Variants in DMBT1 observed in about 807,000 individuals in gnomAD.
The protein encoded by DMBT1 is deleted in malignant brain tumors 1.
DMBT1 carries 198 observed loss-of-function variants against 252.9 expected under a neutral mutation model. The ratio of observed to expected loss-of-function variants is 0.78; its 90% CI spans 0.70 to 0.88. DMBT1 has a LOEUF of 0.88. Ranked by LOEUF, DMBT1 falls within the 40% of genes least tolerant of loss-of-function variation. DMBT1 has a pLI of 0.00. For synonymous variants in DMBT1, 990 were observed against 942.7 expected (o/e 1.05, Z -0.92); for missense variants, 2,432 against 2,404.7 (o/e 1.01, Z -0.24).
Position 122,585,324 on chromosome 10 carries a change from C to T in DMBT1, c.1459+15C>T, listed in dbSNP as rs771491901. 1.0e-5 allele frequency: 16 copies of T among 1,584,628 alleles called. 1 individual carries two copies. The highest frequency in any genetic ancestry group is 1.7e-5 in the Admixed American group (1 of 59,514). ...ATCGACAGTAGGTAAATAATCCTCT[C>T]GCCCCTCCCTAGGGCTCACTCTCTA... On this transcript the variant is annotated intron_variant, in intron 15 of 55. Transcript: ENST00000338354.
At chr10:122,562,805 T>C (rs2981755) in intron 1 of DMBT1, among the ~76,000 whole-genome samples, 150,390 of 152,328 alleles carry the variant, frequency 0.99, 74,268 homozygotes, top group Non-Finnish European at 1. Context: ...GAAGTGGACC[T>C]GTATTCTCTT....
intron 6 of DMBT1, among the ~76,000 whole-genome samples, chr10:122,575,876 A>T (rs1288144426): frequency 6.6e-6 from 1 of 152,220 alleles, no homozygotes; most frequent in Non-Finnish European, 1.5e-5. Flanking sequence ...ATCAGTCTCC[A>T]GTCCAGAGTG....
At chr10:122,587,297 G>C (rs2097798626) in intron 16 of DMBT1, among the ~76,000 whole-genome samples, 1 of 148,424 alleles carries the variant, frequency 6.7e-6, no homozygotes, top group African/African-American at 2.4e-5. Flanking sequence ...TTCTGCTGAG[G>C]ACTAATAAGG....
chr10:122,630,393 A>G lies in DMBT1; in HGVS notation c.5928A>G (p.Ile1976Met). The change falls in exon 48 of 56, where the codon ATA becomes ATG. Residue 1976 changes from isoleucine (I) to methionine (M), a missense_variant. Around this residue, in one of 3 missense-constraint regions of DMBT1, gnomAD observed 1,162 missense variants for 1,169.0 expected, o/e 0.99. Coordinates refer to ENST00000338354, the MANE Select transcript of DMBT1 (RefSeq NM_001377530.1). ...AAATCTGTAATGATACCAGGCAAAT[A>G]TTTACATCTTCTTACAACCGAATGA... ...LGKICNDTRQIFTSSYNRMTI... is the reference protein window; with the variant it reads ...LGKICNDTRQMFTSSYNRMTI... 1 of 1,613,966 alleles carries G rather than the reference A, an allele frequency of 6.2e-7. No homozygotes were observed. Among genetic ancestry groups the G allele is most frequent in the Non-Finnish European group, 8.5e-7 (1 of 1,179,890 alleles).
At chr10:122,576,114 C>G (rs1271663169) in intron 6 of DMBT1, among the ~76,000 whole-genome samples, 1 of 152,196 alleles carries the variant, frequency 6.6e-6, no homozygotes, top group African/African-American at 2.4e-5. Context: ...AGCCCATGGT[C>G]TGCTTAGAGA....
At chr10:122,590,031 A>G (rs2097835339) in intron 17 of DMBT1, among the ~76,000 whole-genome samples, 1 of 148,320 alleles carries the variant, frequency 6.7e-6, no homozygotes, top group African/African-American at 2.4e-5. Flanking sequence ...TGGAGCACAT[A>G]TAGGTGTTGG....
intron 2 of DMBT1, 139 bp from the exon 3 acceptor site, chr10:122,570,023 G>T (rs2097646677): frequency 1.2e-6 from 1 of 809,128 alleles, no homozygotes; most frequent in African/African-American, 1.7e-5. Flanking sequence ...GGAGCGATTG[G>T]CACATAGTTG....
intron 1 of DMBT1, among the ~76,000 whole-genome samples, chr10:122,561,582 C>CTCTCTCTCTCTCTCTCTCTCTCTCTA (rs144834746): frequency 6.8e-6 from 1 of 147,472 alleles, no homozygotes; most frequent in Non-Finnish European, 1.5e-5. Flanking sequence ...CTCTCTCTCT[C>CTCTCTCTCTCTCTCTCTCTCTCTCTA]TCTTTCTCTC....
rs757768829 is a variant in DMBT1, at chr10:122,578,747, G to A, written c.667G>A (p.Val223Ile). 7.5e-6 allele frequency: 12 copies of A among 1,608,636 alleles called. No individual in the cohort carries two copies. The highest frequency in any genetic ancestry group is 9.3e-6 in the Non-Finnish European group (11 of 1,177,302). ...TTGGCCTGTCAGGATATCACCACCTGTACCCACAGAAGGTAAAGAATCCTC... is the reference window on the plus strand; with the variant it reads ...TTGGCCTGTCAGGATATCACCACCTATACCCACAGAAGGTAAAGAATCCTC... ...ESWPVRISPPVPTEGSESSLA... is the reference protein window; with the variant it reads ...ESWPVRISPPIPTEGSESSLA... Residue 223 changes from valine (V) to isoleucine (I), a missense_variant, in exon 9 of 56, where the codon GTA becomes ATA. By Grantham distance (29) the Val-to-Ile change is conservative. Coordinates refer to ENST00000338354, the MANE Select transcript of DMBT1 (RefSeq NM_001377530.1).
At chr10:122,634,339 C>CT (rs1383282194) in intron 52 of DMBT1, among the ~76,000 whole-genome samples, 1 of 105,156 alleles carries the variant, frequency 9.5e-6, no homozygotes, top group African/African-American at 3.7e-5. Flanking sequence ...ACTAAAAGCA[C>CT]TTTTCTTTCT....
intron 2 of DMBT1, among the ~76,000 whole-genome samples, chr10:122,568,479 G>T (rs1421184740): frequency 6.6e-6 from 1 of 152,164 alleles, no homozygotes; most frequent in Non-Finnish European, 1.5e-5. Flanking sequence ...CCTGCTGGGA[G>T]AAAGATTGTA....
At position 122,580,866 on chromosome 10, in the gene DMBT1, C is replaced by G; in HGVS notation, c.1004C>G (p.Ala335Gly). Residue 335 changes from alanine to glycine, a missense_variant and splice_region_variant, in exon 11 of 56, where the codon GCT (alanine) becomes GGT (glycine). By Grantham distance (60) the Ala-to-Gly change is moderately conservative. Transcript: ENST00000338354. ...HSEDAGVICS[A>G]PQSRPTPSPD... ...TGACCTTCTCTTCTCTTTCTCACAGCTCCCCAGTCCCGGCCGACACCCAGC... is the reference window on the plus strand; with the variant it reads ...TGACCTTCTCTTCTCTTTCTCACAGGTCCCCAGTCCCGGCCGACACCCAGC... The G allele has an allele frequency of 3.7e-6, 6 of 1,613,738 alleles. No homozygotes were observed. Among genetic ancestry groups the G allele is most frequent in the Non-Finnish European group, 4.2e-6 (5 of 1,179,832 alleles).
intron 50 of DMBT1, among the ~76,000 whole-genome samples, chr10:122,632,268 G>A (rs554602313): frequency 2.0e-5 from 3 of 148,614 alleles, no homozygotes; most frequent in South Asian, 2.2e-4. Flanking sequence ...CCACTGCCCC[G>A]CCCCCTGCTT....
Position 122,585,324 on chromosome 10 carries a change from C to A in DMBT1, c.1459+15C>A. On this transcript the variant is annotated intron_variant, in intron 15 of 55. Coordinates refer to ENST00000338354, the MANE Select transcript of DMBT1 (RefSeq NM_001377530.1). ...ATCGACAGTAGGTAAATAATCCTCT[C>A]GCCCCTCCCTAGGGCTCACTCTCTA... 6.3e-7 allele frequency: 1 copy of A among 1,584,628 alleles called. No homozygotes were observed. The highest frequency in any genetic ancestry group is 8.6e-7 in the Non-Finnish European group (1 of 1,162,764).
chr10:122,589,207 A>T lies in DMBT1; in HGVS notation c.2047A>T (p.Asn683Tyr). Reference protein sequence around the residue: ...GHESYLWSCPNNGWLSHNCGH... With the variant: ...GHESYLWSCPYNGWLSHNCGH... ...TGAGTCCTACCTGTGGAGCTGCCCC[A>T]ACAATGGCTGGCTCTCCCACAACTG... Residue 683 changes from asparagine to tyrosine, a missense_variant, in exon 17 of 56, where the codon AAC becomes TAC. Asn to Tyr is a moderately radical substitution (Grantham distance 143). Coordinates refer to ENST00000338354, the MANE Select transcript of DMBT1 (RefSeq NM_001377530.1). 6.3e-7 allele frequency: 1 copy of T among 1,588,448 alleles called. No individual in the cohort carries two copies. Among genetic ancestry groups the T allele is most frequent in the Non-Finnish European group, 8.6e-7 (1 of 1,165,714 alleles).
intron 44 of DMBT1, among the ~76,000 whole-genome samples, chr10:122,622,171 T>C (rs1234837132): frequency 6.6e-6 from 1 of 152,192 alleles, no homozygotes; most frequent in Non-Finnish European, 1.5e-5. Flanking sequence ...CAGAATCTGC[T>C]TGGATCCCTT....
intron 47 of DMBT1, 104 bp from the exon 48 acceptor site, chr10:122,630,184 A>G (rs961088303): frequency 7.3e-7 from 1 of 1,372,632 alleles, no homozygotes; most frequent in Non-Finnish European, 1.0e-6. Flanking sequence ...GAGCTAGAAG[A>G]AAAACCTGTA....
chr10:122,585,226 C>T lies in DMBT1; in HGVS notation c.1421-45C>T, dbSNP rs371484751. On this transcript the variant is annotated intron_variant, in intron 14 of 55. Transcript: ENST00000338354. Reference sequence around the variant, plus strand: ...GGAGACTTTTCCTTTTGGAGATTTTCACCATCAACTTTAATTCTAGCCTTT... The same window carrying T: ...GGAGACTTTTCCTTTTGGAGATTTTTACCATCAACTTTAATTCTAGCCTTT... 113 of 1,577,088 alleles carry T rather than the reference C, an allele frequency of 7.2e-5. 7 individuals are homozygous for T. In the African/African-American group the frequency reaches 1.2e-3, roughly 17 times the overall value.
chr10:122,618,288 C>T lies in DMBT1; in HGVS notation c.5163C>T (p.Gly1721=). 1 of 1,613,864 alleles carries T rather than the reference C, an allele frequency of 6.2e-7. No individual in the cohort carries two copies. Among genetic ancestry groups the T allele is most frequent in the Non-Finnish European group, 8.5e-7 (1 of 1,179,780 alleles). ...ACCTGTGGAGCTGCCCCCACAATGGCTGGCTCTCCCACAACTGTGGCCATC... is the reference window on the plus strand; with the variant it reads ...ACCTGTGGAGCTGCCCCCACAATGGTTGGCTCTCCCACAACTGTGGCCATC... ...ESYLWSCPHN[G]WLSHNCGHHE... is the part of the protein sequence containing the mutation. The change falls in exon 41 of 56, where the codon GGC becomes GGT. Residue 1721 remains glycine (G), a synonymous_variant. Coordinates refer to ENST00000338354, the MANE Select transcript of DMBT1 (RefSeq NM_001377530.1).
Sources: gnomAD v4.1 joint callset for allele counts (sites outside exome capture counted in the v4.1 genomes callset) on GRCh38, gnomAD v4.1.1 for gene constraint, gnomAD v4.1.1 regional missense constraint, MANE v1.5 for transcripts, NCBI Gene and HGNC (gene_info 2026-07-23, HGNC 2026-07-21) for gene names.